SUZ12: variants seen among roughly 807,000 people sequenced by gnomAD.
The protein encoded by SUZ12 is polycomb protein SUZ12.
SUZ12 carries 17 observed loss-of-function variants against 87.3 expected under a neutral mutation model. The observed-to-expected ratio is 0.19, with a 90% CI of 0.13 to 0.29. SUZ12 has a LOEUF of 0.29. Among genes scored for constraint, SUZ12 ranks in the 10% least tolerant of loss-of-function variants. SUZ12 has a pLI of 1.00. For missense variants in SUZ12, 526 were observed against 912.2 expected, an observed-to-expected ratio of 0.58 and a Z score of 5.45; for synonymous variants, 253 against 312.4, an observed-to-expected ratio of 0.81 and a Z score of 2.01.
intron 4 of SUZ12, among the ~76,000 whole-genome samples, chr17:31,955,477 G>C (rs574204738): frequency 5.2e-4 from 79 of 152,132 alleles, no homozygotes; most frequent in African/African-American, 1.9e-3. Context: ...GCCGGGGCAC[G>C]GTGACTCATG....
intron 1 of SUZ12, among the ~76,000 whole-genome samples, chr17:31,939,754 G>T (rs1462378310): frequency 6.6e-6 from 1 of 152,026 alleles, no homozygotes; most frequent in East Asian, 1.9e-4. Context: ...TCGAACTCCC[G>T]ACCTTAGGTG....
chr17:31,946,332 A>G (rs1338405966), intron 3 of SUZ12, among the ~76,000 whole-genome samples: 1 of 152,124 alleles, frequency 6.6e-6, no homozygotes, highest in Non-Finnish European at 1.5e-5. Flanking sequence ...TGAGGAGTTC[A>G]AGACCAGCCT....
At chr17:31,962,553 T>C (rs112537626) in intron 4 of SUZ12, among the ~76,000 whole-genome samples, 15,503 of 147,270 alleles carry the variant, frequency 0.11, no homozygotes, top group South Asian at 0.2. Flanking sequence ...ATTGTGCCAC[T>C]GTATACCAGT....
At chr17:31,980,511 A>G (rs1177625371) in intron 8 of SUZ12, among the ~76,000 whole-genome samples, 2 of 126,182 alleles carry the variant, frequency 1.6e-5, no homozygotes, top group African/African-American at 3.1e-5. Context: ...GCGCAAAGGC[A>G]CCATCTCAGC....
rs1181314058 is a variant in SUZ12, at chr17:31,957,895, C to CTTTTTTTTTTTTTT, written c.456-8240_456-8227dup. Among the ~76,000 whole-genome samples, 135 of 91,328 alleles carry CTTTTTTTTTTTTTT rather than the reference C, an allele frequency of 1.5e-3. 16 individuals are homozygous for CTTTTTTTTTTTTTT. The highest frequency in any genetic ancestry group is 2.5e-3 in the Non-Finnish European group (112 of 44,584). 59.9% of individuals were successfully genotyped at this position (91,328 alleles called of 152,430 possible). A position where few individuals can be genotyped will look rare whatever the true frequency, so the allele number is the denominator to read the frequency against. The stretch of plus-strand genomic sequence containing the variant: ...ACCTGGCCCTGGCTCACCTTTTGTC[C>CTTTTTTTTTTTTTT]TTTTTTTTTTTTTTTTTTTTTTTTT... On this transcript the variant is annotated intron_variant, in intron 4 of 15. Transcript: ENST00000322652.
chr17:31,994,154 A>G, intron 12 of SUZ12, 146 bp downstream of exon 12: 2 of 769,446 alleles, frequency 2.6e-6, no homozygotes, highest in Non-Finnish European at 1.9e-6. Flanking sequence ...ACTTTCAAAA[A>G]TTGTACTTTG....
chr17:31,989,668 G>A (rs571149148), intron 10 of SUZ12, among the ~76,000 whole-genome samples: 12 of 151,078 alleles, frequency 7.9e-5, no homozygotes, highest in South Asian at 6.3e-4. Flanking sequence ...GCTTAATCTC[G>A]GCTCACTGCA....
rs192100358 is a variant in SUZ12, at chr17:31,992,959, C to A, written c.1202-283C>A. Among the ~76,000 whole-genome samples, 217 of 152,162 alleles carry A rather than the reference C, an allele frequency of 1.4e-3. 2 individuals are homozygous for A. The highest frequency in any genetic ancestry group is 8.2e-4 in the Non-Finnish European group (56 of 68,006). ...TGACATCGTAATCCTCCTGCCTTGGCCTCCCAATGTGCTGGGATTACAGGC... is the reference window on the plus strand; with the variant it reads ...TGACATCGTAATCCTCCTGCCTTGGACTCCCAATGTGCTGGGATTACAGGC... On this transcript the variant is annotated intron_variant, in intron 10 of 15. Coordinates refer to ENST00000322652, the MANE Select transcript of SUZ12 (RefSeq NM_015355.4).
At chr17:31,997,421 G>A (rs533891340) in intron 15 of SUZ12, among the ~76,000 whole-genome samples, 1 of 152,242 alleles carries the variant, frequency 6.6e-6, no homozygotes, top group Admixed American at 6.5e-5. Context: ...CCAGTACTTT[G>A]GGAGGCCAAG....
chr17:31,973,405 G>A (rs1289431075), intron 6 of SUZ12, among the ~76,000 whole-genome samples, 174 bp downstream of exon 6: 1 of 152,152 alleles, frequency 6.6e-6, no homozygotes, highest in Non-Finnish European at 1.5e-5. Context: ...GCATATCTGT[G>A]TAGTTTTTCT....
At chr17:31,984,475 AAAGT>A (rs781263330) in intron 9 of SUZ12, among the ~76,000 whole-genome samples, 14 of 152,352 alleles carry the variant, frequency 9.2e-5, no homozygotes, top group Admixed American at 2.0e-4. Context: ...GGATGATTGA[AAAGT>A]AAGAAAGCAT....
intron 3 of SUZ12, among the ~76,000 whole-genome samples, chr17:31,941,162 C>T (rs549256857): frequency 2.6e-5 from 4 of 151,010 alleles, no homozygotes; most frequent in South Asian, 4.2e-4. Flanking sequence ...AGTGCAGTGG[C>T]GTGATCTCAG....
intron 15 of SUZ12, 76 bp downstream of exon 15, chr17:31,996,953 T>TA (rs1326851614): frequency 6.8e-6 from 6 of 884,976 alleles, no homozygotes; most frequent in Non-Finnish European, 9.5e-6. Context: ...CTAGAAATCT[T>TA]ACGTGTGTTA....
intron 9 of SUZ12, among the ~76,000 whole-genome samples, chr17:31,985,500 C>T (rs1157076039): frequency 6.6e-6 from 1 of 151,552 alleles, no homozygotes; most frequent in African/African-American, 2.4e-5. Flanking sequence ...GATGAGATTT[C>T]AAATAATTTT....
At chr17:31,995,934 G>T (rs890433404) in intron 14 of SUZ12, among the ~76,000 whole-genome samples, 172 bp downstream of exon 14, 1 of 152,062 alleles carries the variant, frequency 6.6e-6, no homozygotes, top group African/African-American at 2.4e-5. Flanking sequence ...ACCAAGTTAG[G>T]CTGGTGGCGG....
intron 5 of SUZ12, among the ~76,000 whole-genome samples, chr17:31,970,514 G>C (rs1267353265): frequency 1.3e-5 from 2 of 152,016 alleles, no homozygotes; most frequent in African/African-American, 4.8e-5. Context: ...CATAATCCCA[G>C]CTACTCTGGA....
chr17:31,968,271 G>T, intron 5 of SUZ12, among the ~76,000 whole-genome samples: 1 of 152,066 alleles, frequency 6.6e-6, no homozygotes, highest in East Asian at 1.9e-4. Flanking sequence ...TGTTTAGACA[G>T]GGTCTTGCTC....
intron 5 of SUZ12, among the ~76,000 whole-genome samples, chr17:31,971,838 G>C (rs917101542): frequency 1.3e-5 from 2 of 152,036 alleles, no homozygotes; most frequent in Non-Finnish European, 2.9e-5. Flanking sequence ...TCTTCAAGCC[G>C]GCCCAGTTGC....
intron 4 of SUZ12, among the ~76,000 whole-genome samples, chr17:31,965,408 T>G (rs1908029370): frequency 6.6e-6 from 1 of 152,346 alleles, no homozygotes; most frequent in South Asian, 2.1e-4. Flanking sequence ...TCTGTTTATT[T>G]TATCCCATGC....
Sources: gnomAD v4.1 joint callset for allele counts (sites outside exome capture counted in the v4.1 genomes callset) on GRCh38, gnomAD v4.1.1 for gene constraint, MANE v1.5 for transcripts, NCBI Gene and HGNC (gene_info 2026-07-23, HGNC 2026-07-21) for gene names.